ACOD1: variants seen among roughly 807,000 people sequenced by gnomAD.
The protein encoded by ACOD1 is aconitate decarboxylase 1.
ACOD1 carries 14 observed loss-of-function variants against 14.2 expected under a neutral mutation model. The observed-to-expected ratio is 0.99, with a 90% CI of 0.65 to 1.54. The LOEUF is 1.54. ACOD1 is among the 40% of genes most tolerant of loss of function. The pLI is 0.00. For missense variants in ACOD1, 530 were observed against 586.3 expected, an observed-to-expected ratio of 0.90 and a Z score of 0.99; for synonymous variants, 182 against 221.7, an observed-to-expected ratio of 0.82 and a Z score of 1.59.
intron 3 of ACOD1, among the ~76,000 whole-genome samples, 196 bp from the exon 4 acceptor site, chr13:76,955,123 T>A (rs2033859685): frequency 9.6e-6 from 1 of 104,122 alleles, no homozygotes; most frequent in East Asian, 2.7e-4. Flanking sequence ...CAAGACTCTG[T>A]CTCAAAAAAA....
At chr13:76,952,449 A>G in intron 1 of ACOD1, 40 bp from the exon 2 acceptor site, 1 of 1,532,780 alleles carries the variant, frequency 6.5e-7, no homozygotes, top group Non-Finnish European at 8.8e-7. Flanking sequence ...GTGTAAGTAA[A>G]GTGGGGTGTA....
intron 1 of ACOD1, among the ~76,000 whole-genome samples, chr13:76,948,873 A>C (rs1378701764): frequency 6.6e-6 from 1 of 152,160 alleles, no homozygotes; most frequent in Non-Finnish European, 1.5e-5. Flanking sequence ...TAATCTATTT[A>C]CTGTCACCAC....
intron 1 of ACOD1, among the ~76,000 whole-genome samples, chr13:76,949,025 G>A (rs886077402): frequency 5.3e-5 from 8 of 152,144 alleles, no homozygotes; most frequent in Non-Finnish European, 1.5e-5. Context: ...CAGCACTTTG[G>A]GAGGCCGAGG....
At position 76,955,394 on chromosome 13, in the gene ACOD1, G is replaced by A. The variant is rs1209259997; in HGVS notation, c.340G>A (p.Ala114Thr). ...PSGAVLPVLTALAEALPRSPK... is the reference protein window; with the variant it reads ...PSGAVLPVLTTLAEALPRSPK... ...TGGGGCTGTCCTTCCTGTCCTCACA[G>A]CTTTAGCAGAAGCCCTGCCAAGGAG... The change falls in exon 4 of 5, where the codon GCT (alanine) becomes ACT (threonine). Residue 114 changes from alanine (A) to threonine (T), a missense_variant. Ala to Thr is a moderately conservative substitution (Grantham distance 58). Coordinates refer to ENST00000377462, the MANE Select transcript of ACOD1 (RefSeq NM_001258406.2). 2 of 1,550,630 alleles carry A rather than the reference G, an allele frequency of 1.3e-6. No homozygotes were observed. The highest frequency in any genetic ancestry group is 2.0e-5 in the Admixed American group (1 of 51,006).
chr13:76,955,139 A>G (rs1773037), intron 3 of ACOD1, among the ~76,000 whole-genome samples, 180 bp from the exon 4 acceptor site: 4 of 144,398 alleles, frequency 2.8e-5, no homozygotes, highest in Non-Finnish European at 3.0e-5. Flanking sequence ...AAAAAAAAAA[A>G]AAAAAAAAAA....
At position 76,957,547 on chromosome 13, in the gene ACOD1, T is replaced by C. The variant is rs1447491842; in HGVS notation, c.1008T>C (p.Tyr336=). 1.9e-6 allele frequency: 3 copies of C among 1,550,544 alleles called. No individual in the cohort carries two copies. The highest frequency in any genetic ancestry group is 2.4e-5 in the East Asian group (1 of 40,940). The change falls in exon 5 of 5, where the codon TAT becomes TAC. Residue 336 remains tyrosine (Y), a synonymous_variant. Coordinates refer to ENST00000377462, the MANE Select transcript of ACOD1 (RefSeq NM_001258406.2). ...SEHEARHSFQ[Y]VACAMLLDGG... Reference sequence around the variant, plus strand: ...ATGAAGCCCGTCATTCATTCCAGTATGTGGCCTGTGCCATGCTGCTTGATG... The same window carrying C: ...ATGAAGCCCGTCATTCATTCCAGTACGTGGCCTGTGCCATGCTGCTTGATG...
Position 76,955,478 on chromosome 13 carries a change from G to A in ACOD1, c.424G>A (p.Gly142Ser), listed in dbSNP as rs1341247924. The A allele has an allele frequency of 6.4e-7, 1 of 1,550,684 alleles. No homozygotes were observed. The highest frequency in any genetic ancestry group is 8.7e-7 in the Non-Finnish European group (1 of 1,147,014). The change falls in exon 4 of 5, where the codon GGC becomes AGC. Residue 142 changes from glycine (G) to serine (S), a missense_variant. Gly to Ser is a moderately conservative substitution (Grantham distance 56). Transcript: ENST00000377462. ...TTTCAATGTTGGTATTGAAGTGCAA[G>A]GCCGATTACTGCATTTCGCCAAGGA... ...LAFNVGIEVQGRLLHFAKEAN... is the reference protein window; with the variant it reads ...LAFNVGIEVQSRLLHFAKEAN...
In ACOD1 at chr13:76,949,454, C is replaced by T. The variant is rs913185529; in HGVS notation, c.12+884C>T. 2.0e-5 allele frequency among the ~76,000 whole-genome samples: 3 copies of T among 152,166 alleles called. No homozygotes were observed. In the South Asian group the frequency reaches 6.2e-4, roughly 32 times the overall value. On this transcript the variant is annotated intron_variant, in intron 1 of 4. Transcript: ENST00000377462. The stretch of plus-strand genomic sequence containing the variant: ...AGCAGCTGTGTGTTTATTCCCCTCA[C>T]GTTTCGTTCCTTCAGGGGCCAGGGA...
At chr13:76,951,203 T>A (rs1779325691) in intron 1 of ACOD1, among the ~76,000 whole-genome samples, 1 of 152,172 alleles carries the variant, frequency 6.6e-6, no homozygotes, top group African/African-American at 2.4e-5. Context: ...TTACACCATA[T>A]CCCATATATT....
At position 76,957,983 on chromosome 13, in the gene ACOD1, T is replaced by C; in HGVS notation, c.1444T>C (p.Ter482ArgextTer7). Reference sequence around the variant, plus strand: ...TAATAATTCTATCACAAATCTCTCCTGAGGCTTACCAACATCTAAATGACT... The same window carrying C: ...TAATAATTCTATCACAAATCTCTCCCGAGGCTTACCAACATCTAAATGACT... Reference protein sequence around the residue: ...ACNNSITNLS* With the variant: ...ACNNSITNLSR Residue 482 changes from the stop codon to arginine, a stop_lost, in exon 5 of 5, where the codon TGA becomes CGA. Transcript: ENST00000377462. 1 of 1,515,044 alleles carries C rather than the reference T, an allele frequency of 6.6e-7. No homozygotes were observed. The allele number at this position is 1,515,044 out of a possible 1,614,324, so 93.9% of individuals were successfully genotyped here. A position where few individuals can be genotyped will look rare whatever the true frequency, so the allele number is the denominator to read the frequency against.
intron 4 of ACOD1, 138 bp downstream of exon 4, chr13:76,955,662 C>A: frequency 1.4e-6 from 1 of 714,984 alleles, no homozygotes; most frequent in South Asian, 1.8e-5. Context: ...AGTCAATACA[C>A]CAGTCACATA....
At chr13:76,956,929 CA>C in intron 4 of ACOD1, 80 bp from the exon 5 acceptor site, 2 of 1,391,444 alleles carry the variant, frequency 1.4e-6, no homozygotes, top group Non-Finnish European at 1.9e-6. Flanking sequence ...ACTCCATTAT[CA>C]ATGTTCTTGA....
rs2033865446 is a variant in ACOD1 at position 76,955,432 on chromosome 13, T to C, written c.378T>C (p.Ser126=). 6.4e-7 allele frequency: 1 copy of C among 1,550,670 alleles called. No homozygotes were observed. The change falls in exon 4 of 5, where the codon TCT becomes TCC. Residue 126 remains serine, a synonymous_variant. Transcript: ENST00000377462. ...CCCTGCCAAGGAGTCCAAAGTTTTC[T>C]GGCCTTGACCTGCTGCTGGCTTTCA... ...AEALPRSPKF[S]GLDLLLAFNV...
chr13:76,957,293 A>G lies in ACOD1; in HGVS notation c.754A>G (p.Lys252Glu). The G allele has an allele frequency of 6.4e-7, 1 of 1,550,634 alleles. No homozygotes were observed. Among genetic ancestry groups the G allele is most frequent in the African/African-American group, 1.4e-5 (1 of 73,190 alleles). Residue 252 changes from lysine (K) to glutamate (E), a missense_variant, in exon 5 of 5, where the codon AAA becomes GAA. Physicochemically the swap from Lys to Glu is moderately conservative, Grantham distance 56. Coordinates refer to ENST00000377462, the MANE Select transcript of ACOD1 (RefSeq NM_001258406.2). ...GGCCTTTTATGCCAACTATTCCCCA[A>G]AAGTCCTTCCAAGCATAGCTTCCTA... ...FGAFYANYSPKVLPSIASYSW... is the reference protein window; with the variant it reads ...FGAFYANYSPEVLPSIASYSW...
Position 76,952,653 on chromosome 13 carries a change from A to G in ACOD1, c.174+3A>G. 1.3e-6 allele frequency: 2 copies of G among 1,549,576 alleles called. No individual in the cohort carries two copies. Among genetic ancestry groups the G allele is most frequent in the Admixed American group, 2.0e-5 (1 of 50,832 alleles). ...ACATAGCCAGCCAATATAGCAAGGTAAGAAGCTCAAGGTCTACATTAGAGA... is the reference window on the plus strand; with the variant it reads ...ACATAGCCAGCCAATATAGCAAGGTGAGAAGCTCAAGGTCTACATTAGAGA... On this transcript the variant is annotated splice_donor_region_variant and intron_variant, in intron 2 of 4. Coordinates refer to ENST00000377462, the MANE Select transcript of ACOD1 (RefSeq NM_001258406.2).
chr13:76,949,423 C>T lies in ACOD1; in HGVS notation c.12+853C>T, dbSNP rs191424762. 3.3e-5 allele frequency among the ~76,000 whole-genome samples: 5 copies of T among 152,324 alleles called. No homozygotes were observed. The East Asian group carries it at 9.6e-4, about 29-fold the overall frequency. On this transcript the variant is annotated intron_variant, in intron 1 of 4. Coordinates refer to ENST00000377462, the MANE Select transcript of ACOD1 (RefSeq NM_001258406.2). ...AATAGATGAACGCAAGGACCACAGA[C>T]AGCTGAGCAGCTGTGTGTTTATTCC...
chr13:76,955,533 A>C lies in ACOD1; in HGVS notation c.470+9A>C, dbSNP rs1456138443. The C allele has an allele frequency of 6.5e-7, 1 of 1,548,752 alleles. No individual in the cohort carries two copies. The highest frequency in any genetic ancestry group is 1.2e-5 in the South Asian group (1 of 84,022). On this transcript the variant is annotated intron_variant, in intron 4 of 4. Transcript: ENST00000377462. ...AATGACATGCCAAAGAGGTATGGAGAGAATTTGCCCCATCAAAAGGTAGTC... is the reference window on the plus strand; with the variant it reads ...AATGACATGCCAAAGAGGTATGGAGCGAATTTGCCCCATCAAAAGGTAGTC...
Position 76,957,781 on chromosome 13 carries a change from C to G in ACOD1, c.1242C>G (p.Ser414Arg), listed in dbSNP as rs572590414. 6.4e-7 allele frequency: 1 copy of G among 1,550,788 alleles called. No homozygotes were observed. The highest frequency in any genetic ancestry group is 2.0e-5 in the Admixed American group (1 of 51,008). Residue 414 changes from serine (S) to arginine (R), a missense_variant, in exon 5 of 5, where the codon AGC becomes AGG. Physicochemically the swap from Ser to Arg is moderately radical, Grantham distance 110. Coordinates refer to ENST00000377462, the MANE Select transcript of ACOD1 (RefSeq NM_001258406.2). ...ATGGGCACTGGAGAAAACCACTGAG[C>G]CAGGAGGACCTAGAGGAAAAGTTCA... ...TFYGHWRKPLSQEDLEEKFRA... is the reference protein window; with the variant it reads ...TFYGHWRKPLRQEDLEEKFRA...
intron 1 of ACOD1, among the ~76,000 whole-genome samples, chr13:76,948,864 A>T (rs1566204905): frequency 6.6e-6 from 1 of 152,196 alleles, no homozygotes; most frequent in Non-Finnish European, 1.5e-5. Context: ...CATTTCTGTT[A>T]ATCTATTTAC....
Sources: gnomAD v4.1 joint callset for allele counts (sites outside exome capture counted in the v4.1 genomes callset) on GRCh38, gnomAD v4.1.1 for gene constraint, MANE v1.5 for transcripts, NCBI Gene and HGNC (gene_info 2026-07-23, HGNC 2026-07-21) for gene names.